CTNNA3: variants seen among roughly 807,000 people sequenced by gnomAD.
CTNNA3 encodes the protein catenin alpha-3.
In CTNNA3, 76 loss-of-function variants were observed where a neutral mutation model predicts 95.7. The ratio of observed to expected loss-of-function variants is 0.79; its 90% CI spans 0.66 to 0.96. The LOEUF is 0.96. Ranked by LOEUF, CTNNA3 falls within the 40% of genes least tolerant of loss-of-function variation. The pLI is 0.00. For missense variants in CTNNA3, 1,191 were observed against 1,089.8 expected (o/e 1.09, Z -1.31); for synonymous variants, 431 against 374.4 (o/e 1.15, Z -1.74).
rs527469545 is a variant in CTNNA3, at chr10:67,452,597, C to T, written c.579+69245G>A. Reference sequence around the variant, plus strand: ...TTGTAAGTATATTTTAATACATTTGCTATGAAGTGACTGAAGCCTCCAAAA... The same window carrying T: ...TTGTAAGTATATTTTAATACATTTGTTATGAAGTGACTGAAGCCTCCAAAA... On this transcript the variant is annotated intron_variant, in intron 5 of 17. Transcript: ENST00000433211. Among the ~76,000 whole-genome samples the T allele has an allele frequency of 9.2e-5, 14 of 152,240 alleles. No homozygotes were observed. In the South Asian group the frequency reaches 2.7e-3, roughly 29 times the overall value.
chr10:67,401,196 G>C (rs1417417151), intron 5 of CTNNA3, among the ~76,000 whole-genome samples: 1 of 152,142 alleles, frequency 6.6e-6, no homozygotes, highest in Non-Finnish European at 1.5e-5. Flanking sequence ...ACACCTGTCA[G>C]TGCCTTGATC....
At chr10:67,338,967 C>G (rs1842086265) in intron 5 of CTNNA3, among the ~76,000 whole-genome samples, 1 of 152,154 alleles carries the variant, frequency 6.6e-6, no homozygotes, top group South Asian at 2.1e-4. Context: ...TTCATGGAAT[C>G]ATTGGGGTCT....
At chr10:66,191,657 T>C (rs2086673334) in intron 13 of CTNNA3, among the ~76,000 whole-genome samples, 1 of 151,246 alleles carries the variant, frequency 6.6e-6, no homozygotes, top group African/African-American at 2.4e-5. Flanking sequence ...TGTATATCTC[T>C]ATTCCTGACT....
chr10:65,972,227 C>G (rs1289683564), intron 16 of CTNNA3, among the ~76,000 whole-genome samples: 1 of 151,764 alleles, frequency 6.6e-6, no homozygotes, highest in African/African-American at 2.4e-5. Context: ...AAAGCTGAAA[C>G]CAATCTCTAC....
chr10:67,749,114 T>A (rs1484185293), intron 1 of CTNNA3, among the ~76,000 whole-genome samples: 1 of 152,204 alleles, frequency 6.6e-6, no homozygotes, highest in Non-Finnish European at 1.5e-5. Flanking sequence ...ATTCTAAATA[T>A]ATATGCACCC....
chr10:67,411,237 C>A (rs958225790), intron 5 of CTNNA3, among the ~76,000 whole-genome samples: 3 of 152,082 alleles, frequency 2.0e-5, no homozygotes, highest in African/African-American at 7.2e-5. Flanking sequence ...TATATGAGGT[C>A]ATGTGTATGC....
chr10:66,563,464 T>C (rs956926210), intron 10 of CTNNA3, among the ~76,000 whole-genome samples: 7 of 152,128 alleles, frequency 4.6e-5, no homozygotes, highest in Admixed American at 2.6e-4. Flanking sequence ...AAAGAAAAAG[T>C]TGTTCCATTA....
intron 5 of CTNNA3, among the ~76,000 whole-genome samples, chr10:67,400,221 C>A (rs1466959564): frequency 6.6e-6 from 1 of 152,152 alleles, no homozygotes; most frequent in East Asian, 1.9e-4. Flanking sequence ...GAATTTTACT[C>A]TGTTGTGAGT....
At chr10:67,711,110 G>A (rs898496794) in intron 1 of CTNNA3, among the ~76,000 whole-genome samples, 2 of 152,162 alleles carry the variant, frequency 1.3e-5, no homozygotes, top group Non-Finnish European at 2.9e-5. Flanking sequence ...TGATTGTGAG[G>A]CCTCCCAGCC....
chr10:66,067,831 G>A lies in CTNNA3; in HGVS notation c.2159+1477C>T, dbSNP rs532740460. Among the ~76,000 whole-genome samples, 22 of 152,174 alleles carry A rather than the reference G, an allele frequency of 1.4e-4. No individual in the cohort carries two copies. In the South Asian group the frequency reaches 3.7e-3, roughly 26 times the overall value. ...CTCGGGAGGCTGAGGCAGAAGAATC[G>A]TTTGAACCCCAAAGGCAGAGGTTGC... On this transcript the variant is annotated intron_variant, in intron 15 of 17. Coordinates refer to ENST00000433211, the MANE Select transcript of CTNNA3 (RefSeq NM_013266.4).
intron 5 of CTNNA3, among the ~76,000 whole-genome samples, chr10:67,362,728 T>G (rs780077068): frequency 6.6e-6 from 1 of 151,960 alleles, no homozygotes; most frequent in Admixed American, 6.6e-5. Flanking sequence ...CTACTCATTT[T>G]CAACACAGTA....
At chr10:66,567,248 G>A (rs1414293894) in intron 10 of CTNNA3, among the ~76,000 whole-genome samples, 1 of 152,046 alleles carries the variant, frequency 6.6e-6, no homozygotes, top group African/African-American at 2.4e-5. Flanking sequence ...GATGGCATGG[G>A]AGCCTATGAA....
intron 15 of CTNNA3, among the ~76,000 whole-genome samples, chr10:66,037,997 C>T (rs940969538): frequency 1.3e-5 from 2 of 152,158 alleles, no homozygotes; most frequent in Non-Finnish European, 2.9e-5. Flanking sequence ...TCCCATGCAG[C>T]TCTACGTGTT....
chr10:66,734,872 CAA>C lies in CTNNA3; in HGVS notation c.1281+31390_1281+31391del, dbSNP rs34979571. Among the ~76,000 whole-genome samples, 615 of 132,702 alleles carry C rather than the reference CAA, an allele frequency of 4.6e-3. 5 individuals carry two copies. The highest frequency in any genetic ancestry group is 0.013 in the African/African-American group (454 of 35,824). The allele number at this position is 132,702 out of a possible 152,430, so 87.1% of individuals were successfully genotyped here. ...TGTCTCAAAAAAAGGAAGACTGTTT[CAA>C]AAAAAAAAAAAAAAGAAATTTTATT... On this transcript the variant is annotated intron_variant, in intron 9 of 17. Coordinates refer to ENST00000433211, the MANE Select transcript of CTNNA3 (RefSeq NM_013266.4).
At chr10:66,660,519 T>C (rs1846226057) in intron 9 of CTNNA3, among the ~76,000 whole-genome samples, 1 of 152,202 alleles carries the variant, frequency 6.6e-6, no homozygotes, top group South Asian at 2.1e-4. Flanking sequence ...CAAAAATCAG[T>C]GACCAACTTG....
intron 5 of CTNNA3, among the ~76,000 whole-genome samples, chr10:67,444,744 G>T (rs1251537436): frequency 6.6e-6 from 1 of 151,956 alleles, no homozygotes; most frequent in Non-Finnish European, 1.5e-5. Flanking sequence ...AAATTCAAAG[G>T]ATAATTAGTA....
chr10:66,573,108 A>C (rs1842917250), intron 10 of CTNNA3, among the ~76,000 whole-genome samples: 1 of 152,224 alleles, frequency 6.6e-6, no homozygotes, highest in Non-Finnish European at 1.5e-5. Flanking sequence ...CATTGTTTAA[A>C]GAAAACAGAA....
intron 15 of CTNNA3, among the ~76,000 whole-genome samples, chr10:66,036,911 C>T (rs748934609): frequency 4.5e-5 from 6 of 132,430 alleles, no homozygotes; most frequent in South Asian, 2.4e-4. Flanking sequence ...CTCGCCCTGT[C>T]GCCCAGGCTG....
intron 9 of CTNNA3, among the ~76,000 whole-genome samples, chr10:66,634,250 C>A (rs55691787): frequency 6.6e-6 from 1 of 151,936 alleles, no homozygotes; most frequent in Non-Finnish European, 1.5e-5. Context: ...ACACTTATTG[C>A]GAAGCCTGAA....
Sources: gnomAD v4.1 joint callset for allele counts (sites outside exome capture counted in the v4.1 genomes callset) on GRCh38, gnomAD v4.1.1 for gene constraint, MANE v1.5 for transcripts, NCBI Gene and HGNC (gene_info 2026-07-23, HGNC 2026-07-21) for gene names.